ADCY8: variants seen among roughly 807,000 people sequenced by gnomAD.
ADCY8 encodes adenylate cyclase 8.
In ADCY8, 51 loss-of-function variants were observed where a neutral mutation model predicts 119.7. The observed-to-expected ratio is 0.43, with a 90% CI of 0.34 to 0.54. The LOEUF is 0.54. ADCY8 is among the 20% of genes least tolerant of loss of function. The pLI, the probability that ADCY8 is intolerant of heterozygous loss-of-function variation, is 0.03. For synonymous variants in ADCY8, 665 were observed against 651.0 expected (o/e 1.02, Z -0.33); for missense variants, 1,383 against 1,598.8 (o/e 0.87, Z 2.30).
chr8:130,805,372 C>A (rs1373690151), intron 14 of ADCY8, among the ~76,000 whole-genome samples: 2 of 152,078 alleles, frequency 1.3e-5, no homozygotes, highest in Admixed American at 6.5e-5. Context: ...ACAACAACAG[C>A]AGTAATAATA....
At chr8:130,988,847 G>A (rs1822486251) in intron 2 of ADCY8, among the ~76,000 whole-genome samples, 1 of 152,178 alleles carries the variant, frequency 6.6e-6, no homozygotes, top group African/African-American at 2.4e-5. Context: ...ATATTTTTTA[G>A]TGTCTCCAAT....
intron 17 of ADCY8, among the ~76,000 whole-genome samples, chr8:130,782,770 C>T (rs915422099): frequency 6.6e-6 from 1 of 152,222 alleles, no homozygotes; most frequent in African/African-American, 2.4e-5. Context: ...AGACATATGG[C>T]ATTCCTTAGA....
intron 11 of ADCY8, among the ~76,000 whole-genome samples, chr8:130,846,036 G>A (rs1483841769): frequency 1.3e-5 from 2 of 152,098 alleles, no homozygotes; most frequent in Admixed American, 1.3e-4. Context: ...TATCAAGCAG[G>A]TGCTCTATGC....
chr8:130,907,231 A>G (rs1036318373), intron 6 of ADCY8, among the ~76,000 whole-genome samples: 4 of 152,130 alleles, frequency 2.6e-5, no homozygotes, highest in Non-Finnish European at 4.4e-5. Flanking sequence ...GACATACTGA[A>G]CCAGAAACTC....
chr8:131,028,539 T>A (rs1365532367), intron 1 of ADCY8, among the ~76,000 whole-genome samples: 3 of 150,114 alleles, frequency 2.0e-5, no homozygotes, highest in African/African-American at 7.5e-5. Flanking sequence ...TTTCTTGAAC[T>A]AATTAGCAGA....
At chr8:130,964,168 C>T (rs1744030658) in intron 2 of ADCY8, among the ~76,000 whole-genome samples, 1 of 152,218 alleles carries the variant, frequency 6.6e-6, no homozygotes, top group South Asian at 2.1e-4. Context: ...CCTGTACCAC[C>T]TTAGTGTGGT....
intron 14 of ADCY8, among the ~76,000 whole-genome samples, chr8:130,806,715 A>T (rs1398019322): frequency 6.6e-6 from 1 of 151,986 alleles, no homozygotes; most frequent in Non-Finnish European, 1.5e-5. Context: ...AAACATCCTC[A>T]CCTCACATTC....
chr8:131,007,205 G>A (rs759388383), intron 1 of ADCY8, among the ~76,000 whole-genome samples: 4 of 152,164 alleles, frequency 2.6e-5, no homozygotes, highest in African/African-American at 4.8e-5. Context: ...ATTACTCAGG[G>A]AGGAAATAAG....
At chr8:130,791,609 C>T (rs1815427882) in intron 15 of ADCY8, among the ~76,000 whole-genome samples, 2 of 152,248 alleles carry the variant, frequency 1.3e-5, no homozygotes, top group South Asian at 4.1e-4. Context: ...ACCTCCAAGG[C>T]TGCACAGGGC....
chr8:130,869,060 C>T (rs1465297563), intron 8 of ADCY8, among the ~76,000 whole-genome samples: 1 of 152,168 alleles, frequency 6.6e-6, no homozygotes, highest in African/African-American at 2.4e-5. Flanking sequence ...AACCCCACTT[C>T]TTAGTGTCAT....
chr8:130,838,004 C>T (rs1254694650), intron 11 of ADCY8, among the ~76,000 whole-genome samples: 1 of 152,200 alleles, frequency 6.6e-6, no homozygotes, highest in Non-Finnish European at 1.5e-5. Flanking sequence ...TCTTGTTATA[C>T]ATGGCTGTTT....
At chr8:130,793,973 A>G (rs1815501448) in intron 15 of ADCY8, among the ~76,000 whole-genome samples, 1 of 152,240 alleles carries the variant, frequency 6.6e-6, no homozygotes. Context: ...AAGAGGTCAT[A>G]TTAGATTAGG....
intron 1 of ADCY8, among the ~76,000 whole-genome samples, chr8:131,014,649 T>C (rs1823413502): frequency 6.6e-6 from 1 of 152,170 alleles, no homozygotes. Context: ...CAAAGATCTG[T>C]TTTTGGGATT....
Position 130,865,644 on chromosome 8 carries a change from CAG to C in ADCY8, c.2210+2200_2210+2201del, listed in dbSNP as rs1818089448. Among the ~76,000 whole-genome samples the C allele has an allele frequency of 2.0e-5, 3 of 152,174 alleles. No individual in the cohort carries two copies. The South Asian group carries it at 6.2e-4, about 32-fold the overall frequency. On this transcript the variant is annotated intron_variant, in intron 9 of 17. Transcript: ENST00000286355. Reference sequence around the variant, plus strand: ...CTGAACTTTTAGAAAGAGCATGGTTCAGAGTTCTAGAAAGAGCATGGGTTGTT... The same window carrying C: ...CTGAACTTTTAGAAAGAGCATGGTTCAGTTCTAGAAAGAGCATGGGTTGTT...
At chr8:130,919,379 A>G (rs1281461536) in intron 5 of ADCY8, among the ~76,000 whole-genome samples, 1 of 152,186 alleles carries the variant, frequency 6.6e-6, no homozygotes, top group African/African-American at 2.4e-5. Flanking sequence ...AGGCACATAG[A>G]TACAGTGAGA....
intron 2 of ADCY8, among the ~76,000 whole-genome samples, chr8:130,959,639 G>C (rs539059626): frequency 1.3e-5 from 2 of 152,226 alleles, no homozygotes; most frequent in African/African-American, 4.8e-5. Context: ...GGTTCATCGA[G>C]AGTCCAGAGT....
At chr8:130,949,432 T>C (rs1821207336) in intron 3 of ADCY8, 1 of 152,140 alleles carries the variant, frequency 6.6e-6, no homozygotes, top group Non-Finnish European at 1.5e-5. Flanking sequence ...TATAGATGAG[T>C]ATGTAATTAA....
chr8:130,874,800 T>C (rs1818499378), intron 8 of ADCY8, among the ~76,000 whole-genome samples: 1 of 152,064 alleles, frequency 6.6e-6, no homozygotes, highest in Non-Finnish European at 1.5e-5. Flanking sequence ...CAGCTCACCC[T>C]CCCCAACATC....
At position 130,875,654 on chromosome 8, in the gene ADCY8, A is replaced by C. The variant is rs187187587; in HGVS notation, c.2110-7708T>G. ...GATTTCTCCTTTATTATTTTATACT[A>C]ATCATTACAACTCCAATAAAAGTTG... On this transcript the variant is annotated intron_variant, in intron 8 of 17. Coordinates refer to ENST00000286355, the MANE Select transcript of ADCY8 (RefSeq NM_001115.3). 2.4e-3 allele frequency among the ~76,000 whole-genome samples: 371 copies of C among 152,310 alleles called. 1 individual carries two copies. The highest frequency in any genetic ancestry group is 4.5e-3 in the Non-Finnish European group (303 of 68,034).
Sources: gnomAD v4.1 joint callset for allele counts (sites outside exome capture counted in the v4.1 genomes callset) on GRCh38, gnomAD v4.1.1 for gene constraint, MANE v1.5 for transcripts, NCBI Gene and HGNC (gene_info 2026-07-23, HGNC 2026-07-21) for gene names.